The following WIPF1 variants were observed in gnomAD, a reference collection of about 807,000 sequenced individuals.
WIPF1 encodes the protein WAS/WASL-interacting protein family member 1.
A neutral mutation model predicts 35.4 loss-of-function variants in WIPF1; 13 were observed. The observed-to-expected ratio is 0.37, with a 90% confidence interval of 0.24 to 0.58. WIPF1 has a LOEUF of 0.58. Among genes scored for constraint, WIPF1 ranks in the 20% least tolerant of loss-of-function variants. The probability of loss-of-function intolerance (pLI) is 0.74; values close to 1 mark genes in which losing one functional copy is unlikely to be tolerated. For missense variants in WIPF1, 591 were observed against 667.0 expected (o/e 0.89, Z 1.25); for synonymous variants, 267 against 266.3 (o/e 1.00, Z -0.02).
chr2:174,673,979 A>G (rs1169382746), intron 1 of WIPF1, among the ~76,000 whole-genome samples: 2 of 152,212 alleles, frequency 1.3e-5, no homozygotes, highest in Admixed American at 1.3e-4. Flanking sequence ...GGGCTGCACA[A>G]TGTTGGCCCA....
At chr2:174,639,406 A>G (rs1687252147) in intron 1 of WIPF1, among the ~76,000 whole-genome samples, 2 of 152,150 alleles carry the variant, frequency 1.3e-5, no homozygotes, top group South Asian at 2.1e-4. Flanking sequence ...GGCATGCATC[A>G]TCACGCTTGG....
intron 7 of WIPF1, among the ~76,000 whole-genome samples, chr2:174,564,851 A>ACACC (rs1351955028): frequency 2.2e-5 from 3 of 136,894 alleles, no homozygotes; most frequent in Non-Finnish European, 4.8e-5. Context: ...ACACACACAC[A>ACACC]CCATTCAAAG....
At chr2:174,564,283 CAA>C (rs1262663775) in intron 7 of WIPF1, among the ~76,000 whole-genome samples, 1 of 152,006 alleles carries the variant, frequency 6.6e-6, no homozygotes, top group Non-Finnish European at 1.5e-5. Flanking sequence ...GGCAAATCTA[CAA>C]AAAAATTTTG....
Position 174,562,363 on chromosome 2 carries a change from A to G in WIPF1, c.*184T>C. On this transcript the variant is annotated 3_prime_UTR_variant, in exon 8 of 8. Transcript: ENST00000679041. The stretch of plus-strand genomic sequence containing the variant: ...AAGCAATAGCCTGGAGAATAAACAC[A>G]ATATGAAAAGCTAGGTGCATTTCTT... 6.7e-7 allele frequency: 1 copy of G among 1,481,962 alleles called. No individual in the cohort carries two copies. The highest frequency in any genetic ancestry group is 1.4e-5 in the South Asian group (1 of 72,166). 91.8% of individuals were successfully genotyped at this position (1,481,962 alleles called of 1,614,324 possible). A position where few individuals can be genotyped will look rare whatever the true frequency, so the allele number is the denominator to read the frequency against.
At chr2:174,637,968 TTG>T (rs1390687552) in intron 1 of WIPF1, among the ~76,000 whole-genome samples, 1 of 152,246 alleles carries the variant, frequency 6.6e-6, no homozygotes, top group Non-Finnish European at 1.5e-5. Flanking sequence ...TGTTATTAAT[TTG>T]ATGTTATACC....
chr2:174,615,077 C>T (rs539056101), intron 1 of WIPF1, among the ~76,000 whole-genome samples: 12 of 152,176 alleles, frequency 7.9e-5, no homozygotes, highest in Non-Finnish European at 1.2e-4. Context: ...GTCTTAAAAG[C>T]GCAGCTTTAA....
At chr2:174,591,403 T>G (rs1354993192) in intron 1 of WIPF1, among the ~76,000 whole-genome samples, 1 of 152,238 alleles carries the variant, frequency 6.6e-6, no homozygotes, top group Non-Finnish European at 1.5e-5. Context: ...TCAACTGATT[T>G]CTCAGCAAGA....
chr2:174,605,309 G>C (rs1446412344), intron 1 of WIPF1, among the ~76,000 whole-genome samples: 1 of 152,022 alleles, frequency 6.6e-6, no homozygotes, highest in Admixed American at 6.6e-5. Flanking sequence ...GGGGTGGTGC[G>C]CACCTGTAAT....
chr2:174,662,380 A>C (rs2105975729), intron 1 of WIPF1, among the ~76,000 whole-genome samples: 1 of 152,302 alleles, frequency 6.6e-6, no homozygotes, highest in African/African-American at 2.4e-5. Context: ...GTGAGGCCTG[A>C]ATTCGTAACT....
In WIPF1 at chr2:174,592,211, G is replaced by C. The variant is rs568162988; in HGVS notation, c.-39+5390C>G. ...CTGCCTAGGGCCCACACTACAGAAT[G>C]ACATGAGGTGGGGAGTGATTCCTAA... On this transcript the variant is annotated intron_variant, in intron 1 of 7. Coordinates refer to ENST00000679041, the MANE Select transcript of WIPF1 (RefSeq NM_001375834.1). Among the ~76,000 whole-genome samples the C allele has an allele frequency of 2.6e-5, 4 of 152,316 alleles. No homozygotes were observed. The East Asian group carries it at 5.8e-4, about 22-fold the overall frequency.
At chr2:174,674,789 T>C (rs1287345562) in intron 1 of WIPF1, among the ~76,000 whole-genome samples, 2 of 152,140 alleles carry the variant, frequency 1.3e-5, no homozygotes, top group South Asian at 2.1e-4. Context: ...GAAACAGATA[T>C]TTTCAAATAG....
chr2:174,560,804 A>G lies in WIPF1; in HGVS notation c.*1743T>C, dbSNP rs1223594067. 4.6e-5 allele frequency: 7 copies of G among 152,622 alleles called. No homozygotes were observed. Among genetic ancestry groups the G allele is most frequent in the African/African-American group, 1.7e-4 (7 of 41,466 alleles). The allele number at this position is 152,622 out of a possible 1,614,324, so 9.5% of individuals were successfully genotyped here. A position where few individuals can be genotyped will look rare whatever the true frequency, so the allele number is the denominator to read the frequency against. On this transcript the variant is annotated 3_prime_UTR_variant, in exon 8 of 8. Coordinates refer to ENST00000679041, the MANE Select transcript of WIPF1 (RefSeq NM_001375834.1). ...TAATTTATTAGACATCCCATTTATT[A>G]GAACTCTAAGTTCTTTTGCTTTTAT... is the stretch of plus-strand genomic sequence containing the variant.
intron 1 of WIPF1, chr2:174,682,690 C>T (rs1193301912): frequency 1.3e-5 from 2 of 151,764 alleles, no homozygotes; most frequent in Non-Finnish European, 2.9e-5. Context: ...CGTGCCCCGC[C>T]GTCGAGCCCA....
At chr2:174,620,547 T>C (rs949973411) in intron 1 of WIPF1, among the ~76,000 whole-genome samples, 1 of 152,246 alleles carries the variant, frequency 6.6e-6, no homozygotes, top group Non-Finnish European at 1.5e-5. Flanking sequence ...TCTGCTAAAA[T>C]CTACAAATAA....
At chr2:174,600,026 C>A (rs1407077108), upstream of WIPF1, among the ~76,000 whole-genome samples, 1 of 152,194 alleles carries the variant, frequency 6.6e-6, no homozygotes, top group Non-Finnish European at 1.5e-5. Context: ...AAGGAGCTCG[C>A]ATGCACAGTT....
intron 1 of WIPF1, among the ~76,000 whole-genome samples, chr2:174,592,441 G>A (rs1431733624): frequency 6.6e-6 from 1 of 151,562 alleles, no homozygotes; most frequent in Non-Finnish European, 1.5e-5. Context: ...AATGAATGGT[G>A]GAATATTAAA....
At chr2:174,579,240 A>C (rs928998396) in intron 3 of WIPF1, among the ~76,000 whole-genome samples, 1 of 152,158 alleles carries the variant, frequency 6.6e-6, no homozygotes, top group South Asian at 2.1e-4. Context: ...TCCCAGCCTC[A>C]GGTGATCGAC....
upstream of WIPF1, among the ~76,000 whole-genome samples, chr2:174,598,477 A>G (rs535790226): frequency 6.6e-6 from 1 of 152,100 alleles, no homozygotes; most frequent in East Asian, 1.9e-4. Flanking sequence ...GCACCTGGCT[A>G]ATTTATTTTA....
intron 1 of WIPF1, among the ~76,000 whole-genome samples, chr2:174,586,180 A>G (rs982366227): frequency 6.6e-6 from 1 of 152,164 alleles, no homozygotes; most frequent in Non-Finnish European, 1.5e-5. Flanking sequence ...AGGGAGCAGC[A>G]GCTGAGGCGG....
Sources: gnomAD v4.1 joint callset for allele counts (sites outside exome capture counted in the v4.1 genomes callset) on GRCh38, gnomAD v4.1.1 for gene constraint, MANE v1.5 for transcripts, NCBI Gene and HGNC (gene_info 2026-07-23, HGNC 2026-07-21) for gene names.